AIRE: variants seen among roughly 807,000 people sequenced by gnomAD.
AIRE encodes the protein autoimmune polyendocrinopathy candidiasis ectodermal dystrophy protein.
AIRE carries 52 observed loss-of-function variants against 62.1 expected under a neutral mutation model. The ratio of observed to expected loss-of-function variants is 0.84; its 90% CI spans 0.67 to 1.06. AIRE has a LOEUF of 1.06. AIRE is among the 50% of genes least tolerant of loss of function. The probability of loss-of-function intolerance (pLI) is 0.00; values close to 1 mark genes in which losing one functional copy is unlikely to be tolerated. For missense variants in AIRE, 774 were observed against 755.8 expected, an observed-to-expected ratio of 1.02 and a Z score of -0.28; for synonymous variants, 342 against 321.6, an observed-to-expected ratio of 1.06 and a Z score of -0.68.
chr21:44,293,278 A>G, intron 10 of AIRE, 103 bp downstream of exon 10: 1 of 886,148 alleles, frequency 1.1e-6, no homozygotes, highest in Non-Finnish European at 1.4e-6. Context: ...CAGGCGAGAA[A>G]GGCTCCGGGA....
At position 44,298,486 on chromosome 21, in the gene AIRE, A is replaced by G. The variant is rs2040639749; in HGVS notation, c.*759A>G. 6.5e-6 allele frequency: 1 copy of G among 153,620 alleles called. No homozygotes were observed. Among genetic ancestry groups the G allele is most frequent in the Non-Finnish European group, 1.5e-5 (1 of 68,962 alleles). The allele number at this position is 153,620 out of a possible 1,614,324, so 9.5% of individuals were successfully genotyped here. ...TCTGCTTCCTTTTTTAAGGCTGAGT[A>G]ATATTCCAGCACATGGATGGACTGC... On this transcript the variant is annotated 3_prime_UTR_variant, in exon 14 of 14. Coordinates refer to ENST00000291582, the MANE Select transcript of AIRE (RefSeq NM_000383.4).
Position 44,296,414 on chromosome 21 carries a change from A to G in AIRE, c.1535A>G (p.His512Arg). ...ACTGCCAGTCACGAGCCCGCTCTGC[A>G]CAGGGATGACCTGGAGTCCCTTCTG... is the stretch of plus-strand genomic sequence containing the variant. ...DDTASHEPAL[H>R]RDDLESLLSE... Residue 512 changes from histidine (H) to arginine (R), a missense_variant, in exon 13 of 14, where the codon CAC becomes CGC. This residue lies in a region of AIRE where 354 missense variants were observed against 296.1 expected (regional missense o/e 1.20). Transcript: ENST00000291582. 6.2e-7 allele frequency: 1 copy of G among 1,612,540 alleles called. No homozygotes were observed. The highest frequency in any genetic ancestry group is 1.1e-5 in the South Asian group (1 of 91,076).
chr21:44,293,920 C>T lies in AIRE; in HGVS notation c.1400+10C>T, dbSNP rs372277949. The T allele has an allele frequency of 5.4e-4, 859 of 1,596,042 alleles. 5 individuals carry two copies. The African/African-American group carries it at 9.2e-3, about 17-fold the overall frequency. Reference sequence around the variant, plus strand: ...GCACCTCCCGGCCCGGGTGAGTGAGCGTGGTCGGCGGGGAGGCCTGAACCC... The same window carrying T: ...GCACCTCCCGGCCCGGGTGAGTGAGTGTGGTCGGCGGGGAGGCCTGAACCC... On this transcript the variant is annotated intron_variant, in intron 11 of 13. Coordinates refer to ENST00000291582, the MANE Select transcript of AIRE (RefSeq NM_000383.4).
chr21:44,295,254 G>A (rs1442337849), intron 12 of AIRE, among the ~76,000 whole-genome samples: 1 of 152,176 alleles, frequency 6.6e-6, no homozygotes, highest in Non-Finnish European at 1.5e-5. Context: ...CGTATACACC[G>A]TGTGGGTGAC....
At position 44,287,380 on chromosome 21, in the gene AIRE, TGAGAAACCA is replaced by T; in HGVS notation, c.464-133_464-125del. On this transcript the variant is annotated intron_variant, in intron 3 of 13. Coordinates refer to ENST00000291582, the MANE Select transcript of AIRE (RefSeq NM_000383.4). This position sits in a 1 kb window ranked among gnomAD's most constrained non-coding sequence, Gnocchi z 4.3. ...GCGGGTCTCATTTCCCTTTTACTGA[TGAGAAACCA>T]GAGCCCGGCAAAGGGACTACCCAGC... 1.4e-6 allele frequency: 1 copy of T among 727,694 alleles called. No individual in the cohort carries two copies. The highest frequency in any genetic ancestry group is 1.7e-5 in the South Asian group (1 of 57,194). 45.1% of individuals were successfully genotyped at this position (727,694 alleles called of 1,614,324 possible).
chr21:44,288,125 A>T (rs899286615), intron 4 of AIRE, among the ~76,000 whole-genome samples: 1 of 150,644 alleles, frequency 6.6e-6, no homozygotes, highest in Non-Finnish European at 1.5e-5. Context: ...GCCACCCCCC[A>T]GCACACGCAC....
rs1601964529 is a variant in AIRE, at chr21:44,286,786, G to C, written c.307+55G>C. 2.5e-6 allele frequency: 4 copies of C among 1,597,720 alleles called. No individual in the cohort carries two copies. In the South Asian group the frequency reaches 3.3e-5, roughly 13 times the overall value. On this transcript the variant is annotated intron_variant, in intron 2 of 13. Transcript: ENST00000291582. The surrounding 1 kb of genome is among the most constrained non-coding windows in gnomAD (Gnocchi z 6.0). Reference sequence around the variant, plus strand: ...GGGCCTGGGGCAGCTGCTGTCACCTGCTCAGCCCAGCTGGACTGGAACCGG... The same window carrying C: ...GGGCCTGGGGCAGCTGCTGTCACCTCCTCAGCCCAGCTGGACTGGAACCGG...
intron 11 of AIRE, 21 bp downstream of exon 11, chr21:44,293,931 G>A (rs1459595793): frequency 6.3e-7 from 1 of 1,595,304 alleles, no homozygotes; most frequent in East Asian, 2.2e-5. Flanking sequence ...GTGGTCGGCG[G>A]GGAGGCCTGA....
rs41277550 is a variant in AIRE at position 44,289,802 on chromosome 21, C to G, written c.798C>G (p.Pro266=). Residue 266 remains proline (P), a splice_region_variant and synonymous_variant, in exon 6 of 14, where the codon CCC becomes CCG. Transcript: ENST00000291582. ...VRAKGAQGAA[P]GGGEARLGQQ... The stretch of plus-strand genomic sequence containing the variant: ...CCAAGGGAGCCCAGGGCGCTGCCCC[C>G]GTAAGCACCTGACCTTCCCTGGGGA... 367 of 1,612,568 alleles carry G rather than the reference C, an allele frequency of 2.3e-4. 2 individuals carry two copies. In the African/African-American group the frequency reaches 4.4e-3, roughly 19 times the overall value.
In AIRE at chr21:44,287,110, C is replaced by T; in HGVS notation, c.440C>T (p.Thr147Ile). 3 of 1,612,582 alleles carry T rather than the reference C, an allele frequency of 1.9e-6. No individual in the cohort carries two copies. The highest frequency in any genetic ancestry group is 3.3e-5 in the Admixed American group (2 of 60,018). Reference protein sequence around the residue: ...EARAAAPAALTPRGTASPGSQ... With the variant: ...EARAAAPAALIPRGTASPGSQ... ...CGAGCTGCCGCGCCAGCAGCCCTGA[C>T]TCCAAGGGGCACCGCCAGCCCAGGT... The change falls in exon 3 of 14, where the codon ACT becomes ATT. Residue 147 changes from threonine (T) to isoleucine (I), a missense_variant. Thr to Ile is a moderately conservative substitution (Grantham distance 89, BLOSUM62 -1). Around this residue, in one of 3 missense-constraint regions of AIRE, gnomAD observed 385 missense variants for 396.0 expected, o/e 0.97. Transcript: ENST00000291582. This position sits in a 1 kb window ranked among gnomAD's most constrained non-coding sequence, Gnocchi z 4.3.
At position 44,294,023 on chromosome 21, in the gene AIRE, C is replaced by T. The variant is rs1287269976; in HGVS notation, c.1400+113C>T. ...ACAACCACACCCCACCCACACCCCA[C>T]ACTCCCACCCACACCTTGCACCCCA... On this transcript the variant is annotated intron_variant, in intron 11 of 13. Transcript: ENST00000291582. The T allele has an allele frequency of 2.2e-6, 3 of 1,364,688 alleles. No homozygotes were observed. In the African/African-American group the frequency reaches 4.5e-5, roughly 21 times the overall value. The allele number at this position is 1,364,688 out of a possible 1,614,324, so 84.5% of individuals were successfully genotyped here.
At chr21:44,291,018 G>C in intron 7 of AIRE, 77 bp from the exon 8 acceptor site, 1 of 1,613,504 alleles carries the variant, frequency 6.2e-7, no homozygotes, top group East Asian at 2.2e-5. Flanking sequence ...TGGGGGAGCT[G>C]TTTTGGGAAG....
chr21:44,290,874 C>G, intron 7 of AIRE: 1 of 1,605,970 alleles, frequency 6.2e-7, no homozygotes, highest in Non-Finnish European at 8.5e-7. Flanking sequence ...GTTTTCTTCC[C>G]AATAGGGATG....
chr21:44,288,201 A>T, intron 4 of AIRE, 144 bp from the exon 5 acceptor site: 1 of 706,530 alleles, frequency 1.4e-6, no homozygotes, highest in South Asian at 1.5e-5. Context: ...CTGTCTGCAC[A>T]TGGCAGGGCT....
intron 7 of AIRE, 50 bp downstream of exon 7, chr21:44,290,118 G>T (rs747570743): frequency 3.8e-6 from 6 of 1,582,090 alleles, no homozygotes; most frequent in East Asian, 2.3e-5. Flanking sequence ...TGCTCCCCTC[G>T]GGTGGGTCCT....
rs1189029187 is a variant in AIRE, at chr21:44,294,493, G to A, written c.1493G>A (p.Gly498Glu). 5 of 1,509,936 alleles carry A rather than the reference G, an allele frequency of 3.3e-6. No homozygotes were observed. The highest frequency in any genetic ancestry group is 1.4e-5 in the African/African-American group (1 of 72,498). The allele number at this position is 1,509,936 out of a possible 1,614,324, so 93.5% of individuals were successfully genotyped here. The change falls in exon 12 of 14, where the codon GGG becomes GAG. Residue 498 changes from glycine to glutamate, a missense_variant. Transcript: ENST00000291582. The part of the protein sequence containing the change: ...LAPSPARLAP[G>E]PAKDDTASHE... ...CCCAGCCCCGCCCGCCTGGCCCCTGGGCCTGCCAAGGTCAGTGCCGCAGGG... is the reference window on the plus strand; with the variant it reads ...CCCAGCCCCGCCCGCCTGGCCCCTGAGCCTGCCAAGGTCAGTGCCGCAGGG...
chr21:44,291,604 C>T (rs942434652), intron 8 of AIRE, among the ~76,000 whole-genome samples: 2 of 152,184 alleles, frequency 1.3e-5, no homozygotes, highest in Non-Finnish European at 2.9e-5. Flanking sequence ...GCTGTGCCCC[C>T]CAGGGCAGGT....
At chr21:44,289,948 C>G (rs949426783) in intron 6 of AIRE, 40 bp from the exon 7 acceptor site, 1 of 1,601,400 alleles carries the variant, frequency 6.2e-7, no homozygotes, top group Non-Finnish European at 8.5e-7. Flanking sequence ...ACCCTCGCTG[C>G]TGAGGCTGCC....
intron 9 of AIRE, 37 bp from the exon 10 acceptor site, chr21:44,292,956 G>A (rs371826805): frequency 1.2e-5 from 20 of 1,602,260 alleles, no homozygotes; most frequent in Admixed American, 1.2e-4. Flanking sequence ...CCGGGCAGGC[G>A]CCCGCTGCCC....
Sources: gnomAD v4.1 joint callset for allele counts (sites outside exome capture counted in the v4.1 genomes callset) on GRCh38, gnomAD v4.1.1 for gene constraint, gnomAD v4.1.1 regional missense constraint, Gnocchi (gnomAD v3.1) non-coding constraint, MANE v1.5 for transcripts, NCBI Gene and HGNC (gene_info 2026-07-23, HGNC 2026-07-21) for gene names.